Variants in COL23A1 observed in about 807,000 individuals in gnomAD.
COL23A1 encodes collagen type XXIII alpha 1 chain, also known as collagen alpha-1(XXIII) chain.
A neutral mutation model predicts 99.3 loss-of-function variants in COL23A1; 97 were observed. That is an observed-to-expected ratio of 0.98 (90% CI 0.83 to 1.16). The LOEUF (loss-of-function observed/expected upper bound fraction) is 1.16. Among genes scored for constraint, COL23A1 ranks in the 50% most tolerant of loss-of-function variants. COL23A1 has a pLI of 0.00. For synonymous variants in COL23A1, 320 were observed against 308.2 expected (o/e 1.04, Z -0.40); for missense variants, 762 against 757.4 (o/e 1.01, Z -0.07).
intron 1 of COL23A1, among the ~76,000 whole-genome samples, chr5:178,586,610 G>GGAAA (rs71587665): frequency 2.1e-5 from 3 of 144,472 alleles, no homozygotes; most frequent in African/African-American, 7.6e-5. Context: ...CTGTTGCAAG[G>GGAAA]AAAAAAAAAA....
At chr5:178,518,697 G>A (rs1308902761) in intron 2 of COL23A1, among the ~76,000 whole-genome samples, 1 of 144,104 alleles carries the variant, frequency 6.9e-6, no homozygotes, top group African/African-American at 2.5e-5. Context: ...CATCCCAGAC[G>A]ATGGGCGGCC....
chr5:178,297,357 C>T (rs527240890), intron 3 of COL23A1, among the ~76,000 whole-genome samples: 149 of 152,268 alleles, frequency 9.8e-4, no homozygotes, highest in African/African-American at 3.4e-3. Context: ...CCCATCTATA[C>T]TAAAACAATT....
intron 2 of COL23A1, among the ~76,000 whole-genome samples, chr5:178,504,417 T>C (rs1232890916): frequency 6.6e-6 from 1 of 152,116 alleles, no homozygotes; most frequent in Non-Finnish European, 1.5e-5. Flanking sequence ...GGGCGGACCC[T>C]GGGAGCAGCA....
Position 178,307,061 on chromosome 5 carries a change from GGGGGAGATGCGT to G in COL23A1, c.362-154_362-143del. 1.8e-6 allele frequency: 1 copy of G among 544,840 alleles called. No homozygotes were observed. Among genetic ancestry groups the G allele is most frequent in the Non-Finnish European group, 3.2e-6 (1 of 313,150 alleles). 33.8% of individuals were successfully genotyped at this position (544,840 alleles called of 1,614,324 possible). A position where few individuals can be genotyped will look rare whatever the true frequency, so the allele number is the denominator to read the frequency against. ...CCCGAGGGGGTCTGCTGGCTGTGGA[GGGGGAGATGCGT>G]GGGGAGAAACCCCTTCCTTCTGCCA... On this transcript the variant is annotated intron_variant, in intron 2 of 28. Transcript: ENST00000390654. This position sits in a 1 kb window ranked among gnomAD's most constrained non-coding sequence, Gnocchi z 4.2.
At chr5:178,301,844 G>C (rs1347275437) in intron 3 of COL23A1, among the ~76,000 whole-genome samples, 5 of 147,840 alleles carry the variant, frequency 3.4e-5, no homozygotes, top group East Asian at 4.1e-4. Flanking sequence ...GTGTGCGCCG[G>C]AGCACAGCTT....
intron 2 of COL23A1, among the ~76,000 whole-genome samples, chr5:178,445,070 A>G (rs1319784235): frequency 1.3e-5 from 2 of 152,256 alleles, no homozygotes; most frequent in African/African-American, 4.8e-5. Context: ...AAACATTAGC[A>G]AATTTGATTT....
At chr5:178,436,903 C>T (rs892056841) in intron 2 of COL23A1, among the ~76,000 whole-genome samples, 2 of 152,162 alleles carry the variant, frequency 1.3e-5, no homozygotes, top group South Asian at 2.1e-4. Context: ...CAGTGGTAGA[C>T]GGTGGAGCTG....
At chr5:178,402,705 C>A (rs1318364033) in intron 2 of COL23A1, among the ~76,000 whole-genome samples, 1 of 151,396 alleles carries the variant, frequency 6.6e-6, no homozygotes, top group African/African-American at 2.4e-5. Context: ...TGGGACATAG[C>A]AAAATCCTGT....
intron 2 of COL23A1, among the ~76,000 whole-genome samples, chr5:178,378,653 C>G (rs561289189): frequency 1.3e-5 from 2 of 152,114 alleles, no homozygotes; most frequent in South Asian, 4.1e-4. Flanking sequence ...TGGGGTGGGG[C>G]CGGGCAGTTT....
At chr5:178,538,631 A>T (rs546432793) in intron 2 of COL23A1, among the ~76,000 whole-genome samples, 9 of 152,376 alleles carry the variant, frequency 5.9e-5, no homozygotes, top group Admixed American at 5.9e-4. Flanking sequence ...ATGCCCATCA[A>T]TAAGGTAGCT....
intron 1 of COL23A1, among the ~76,000 whole-genome samples, chr5:178,574,513 C>T (rs1261762759): frequency 1.3e-5 from 2 of 152,160 alleles, no homozygotes; most frequent in Non-Finnish European, 2.9e-5. Flanking sequence ...GCATTCTACT[C>T]GCCACGGGGT....
chr5:178,288,261 A>G (rs1009359736), intron 5 of COL23A1, 63 bp downstream of exon 5: 96 of 1,334,544 alleles, frequency 7.2e-5, no homozygotes, highest in Non-Finnish European at 9.9e-5. Flanking sequence ...ATCAAGGCTC[A>G]GGGAAAGAAT....
intron 5 of COL23A1, among the ~76,000 whole-genome samples, chr5:178,274,466 G>A (rs957704521): frequency 2.0e-5 from 3 of 152,174 alleles, no homozygotes; most frequent in African/African-American, 4.8e-5. Flanking sequence ...GTCTAAGCCC[G>A]AGGGAAGTCC....
intron 3 of COL23A1, among the ~76,000 whole-genome samples, chr5:178,302,028 CTG>C (rs1758075291): frequency 2.4e-5 from 1 of 42,008 alleles, no homozygotes; most frequent in African/African-American, 9.1e-5. Flanking sequence ...CAATCCACCT[CTG>C]TGTGTGCTGG....
intron 4 of COL23A1, 22 bp from the exon 5 acceptor site, chr5:178,288,372 T>C (rs768703200): frequency 8.7e-5 from 140 of 1,607,010 alleles, no homozygotes; most frequent in Non-Finnish European, 1.2e-4. Flanking sequence ...AATATGTCAT[T>C]AATAATCAGA....
intron 2 of COL23A1, among the ~76,000 whole-genome samples, chr5:178,391,298 G>A (rs1763949581): frequency 6.6e-6 from 1 of 152,176 alleles, no homozygotes; most frequent in Non-Finnish European, 1.5e-5. Flanking sequence ...TGAAGAAAAG[G>A]AAAAAGATAA....
chr5:178,362,314 C>T (rs753327947), intron 2 of COL23A1, among the ~76,000 whole-genome samples: 5 of 152,028 alleles, frequency 3.3e-5, no homozygotes, highest in African/African-American at 7.2e-5. Flanking sequence ...CCACAGGCCC[C>T]GGGGTTGGTG....
At chr5:178,427,437 G>A (rs561782807) in intron 2 of COL23A1, among the ~76,000 whole-genome samples, 6 of 152,324 alleles carry the variant, frequency 3.9e-5, no homozygotes, top group African/African-American at 1.4e-4. Flanking sequence ...CAAAGAAGCT[G>A]AAAACGTATG....
intron 2 of COL23A1, among the ~76,000 whole-genome samples, chr5:178,315,797 T>C (rs1282366498): frequency 8.9e-5 from 12 of 135,506 alleles, no homozygotes; most frequent in African/African-American, 3.2e-4. Context: ...AGACAAATAA[T>C]CTTTTATTCA....
Sources: allele counts gnomAD v4.1 joint callset (sites outside exome capture counted in the v4.1 genomes callset), GRCh38; gene constraint gnomAD v4.1.1; non-coding constraint Gnocchi (gnomAD v3.1); transcripts MANE v1.5; gene names NCBI Gene and HGNC (gene_info 2026-07-23, HGNC 2026-07-21).